LINGO2: variants seen among roughly 807,000 people sequenced by gnomAD.
LINGO2 encodes leucine rich repeat and Ig domain containing 2.
Under a neutral mutation model 30.6 loss-of-function variants are expected in LINGO2, and 14 were observed. That is an observed-to-expected ratio of 0.46 (90% CI 0.30 to 0.72). LINGO2 has a LOEUF of 0.72. Ranked by LOEUF, LINGO2 falls within the 30% of genes least tolerant of loss-of-function variation. The pLI is 0.07. For synonymous variants in LINGO2, 317 were observed against 288.5 expected (o/e 1.10, Z -1.00); for missense variants, 729 against 751.7 (o/e 0.97, Z 0.35).
chr9:28,544,021 A>G (rs751521546), intron 1 of LINGO2, among the ~76,000 whole-genome samples: 23 of 151,960 alleles, frequency 1.5e-4, no homozygotes, highest in Admixed American at 9.2e-4. Context: ...CCTGGCCAAC[A>G]TGGCAAAACC....
chr9:28,450,110 C>T (rs1386695755), intron 2 of LINGO2, among the ~76,000 whole-genome samples: 1 of 152,008 alleles, frequency 6.6e-6, no homozygotes, highest in East Asian at 1.9e-4. Flanking sequence ...GACTGAAACA[C>T]ATCTGAACTT....
At chr9:28,362,534 G>T (rs1820491759) in intron 3 of LINGO2, among the ~76,000 whole-genome samples, 1 of 151,432 alleles carries the variant, frequency 6.6e-6, no homozygotes. Context: ...GCAATGGCGT[G>T]ATCTCAGCTC....
chr9:28,008,990 TCA>T (rs2119222339), intron 5 of LINGO2, among the ~76,000 whole-genome samples: 2 of 152,284 alleles, frequency 1.3e-5, no homozygotes, highest in East Asian at 3.9e-4. Context: ...TTTGGATTAT[TCA>T]CACTTACCGA....
At chr9:28,539,502 A>G (rs1821584012) in intron 1 of LINGO2, among the ~76,000 whole-genome samples, 1 of 141,124 alleles carries the variant, frequency 7.1e-6, no homozygotes, top group Admixed American at 7.0e-5. Flanking sequence ...TTAGCAAAAT[A>G]AAAAAAAAAA....
intron 1 of LINGO2, among the ~76,000 whole-genome samples, chr9:28,503,172 A>G (rs1819962185): frequency 6.6e-6 from 1 of 152,090 alleles, no homozygotes; most frequent in Admixed American, 6.6e-5. Context: ...CTTTGGGTTC[A>G]TTACAGCCAC....
the LINGO2 span, among the ~76,000 whole-genome samples, chr9:29,033,638 T>C: frequency 6.6e-6 from 1 of 151,810 alleles, no homozygotes; most frequent in African/African-American, 2.4e-5. Context: ...CATCTTCATA[T>C]ATAAAATAAA....
chr9:28,245,078 C>A (rs1349023498), intron 4 of LINGO2, among the ~76,000 whole-genome samples: 1 of 152,156 alleles, frequency 6.6e-6, no homozygotes, highest in Non-Finnish European at 1.5e-5. Context: ...CAAACCAAAT[C>A]CAGCACCACA....
At chr9:28,682,982 G>A in the LINGO2 span, among the ~76,000 whole-genome samples, 1 of 152,022 alleles carries the variant, frequency 6.6e-6, no homozygotes, top group East Asian at 1.9e-4. Flanking sequence ...ATTCTCTGAT[G>A]GTAAGTATTC....
At chr9:28,281,078 TA>T (rs768583540) in intron 4 of LINGO2, among the ~76,000 whole-genome samples, 10 of 152,114 alleles carry the variant, frequency 6.6e-5, no homozygotes, top group Admixed American at 5.9e-4. Context: ...CTTTGAAAAT[TA>T]GCTGCTTTAA....
At chr9:27,980,148 C>T (rs528307538) in intron 5 of LINGO2, among the ~76,000 whole-genome samples, 2 of 151,912 alleles carry the variant, frequency 1.3e-5, no homozygotes, top group Non-Finnish European at 2.9e-5. Flanking sequence ...AGGAAGGATC[C>T]TGCTTAGCCA....
At chr9:28,139,193 G>A (rs1197381585) in intron 4 of LINGO2, among the ~76,000 whole-genome samples, 1 of 152,154 alleles carries the variant, frequency 6.6e-6, no homozygotes, top group Non-Finnish European at 1.5e-5. Context: ...AACTCTACCA[G>A]CATCTCAGTT....
At chr9:28,780,556 G>A in the LINGO2 span, among the ~76,000 whole-genome samples, 1 of 151,992 alleles carries the variant, frequency 6.6e-6, no homozygotes. Context: ...ATTTTCAAAG[G>A]CCTCTGTCTA....
At chr9:29,000,430 C>A in the LINGO2 span, among the ~76,000 whole-genome samples, 1 of 151,820 alleles carries the variant, frequency 6.6e-6, no homozygotes, top group Non-Finnish European at 1.5e-5. Context: ...AGCCCTTATA[C>A]AATATGTATA....
At chr9:28,917,710 C>T in the LINGO2 span, among the ~76,000 whole-genome samples, 135,055 of 152,100 alleles carry the variant, frequency 0.89, 60,340 homozygotes, top group Non-Finnish European at 0.94. Flanking sequence ...TTTTTGTTTT[C>T]ATGATAGTTT....
chr9:29,157,753 T>C, the LINGO2 span, among the ~76,000 whole-genome samples: 1 of 152,286 alleles, frequency 6.6e-6, no homozygotes, highest in Non-Finnish European at 1.5e-5. Context: ...GCTTGTATAA[T>C]ACAATAATTC....
chr9:28,869,644 C>A, the LINGO2 span, among the ~76,000 whole-genome samples: 287 of 152,068 alleles, frequency 1.9e-3, 1 homozygote, highest in African/African-American at 6.8e-3. Context: ...GAAGAAGACA[C>A]AAGATGCATG....
At chr9:28,969,052 A>G in the LINGO2 span, among the ~76,000 whole-genome samples, 3 of 152,216 alleles carry the variant, frequency 2.0e-5, no homozygotes, top group Non-Finnish European at 4.4e-5. Context: ...TTTTGAAAGT[A>G]AGACAAAATC....
At chr9:29,192,780 T>A in the LINGO2 span, among the ~76,000 whole-genome samples, 1 of 152,144 alleles carries the variant, frequency 6.6e-6, no homozygotes, top group Non-Finnish European at 1.5e-5. Flanking sequence ...TTTAAGAAAC[T>A]CCATCTCTCT....
At chr9:28,629,072 C>T (rs1222629825) in intron 1 of LINGO2, among the ~76,000 whole-genome samples, 3 of 152,106 alleles carry the variant, frequency 2.0e-5, no homozygotes, top group Non-Finnish European at 4.4e-5. Context: ...CTCTGTCTTA[C>T]TTCCACAAGA....
Sources: allele counts gnomAD v4.1 joint callset (sites outside exome capture counted in the v4.1 genomes callset), GRCh38; gene constraint gnomAD v4.1.1; transcripts MANE v1.5; gene names NCBI Gene and HGNC (gene_info 2026-07-23, HGNC 2026-07-21).